TMEM87B: variants seen among roughly 807,000 people sequenced by gnomAD.
TMEM87B encodes the protein transmembrane protein 87B.
TMEM87B carries 83 observed loss-of-function variants against 80.3 expected under a neutral mutation model. The ratio of observed to expected loss-of-function variants is 1.03; its 90% CI spans 0.87 to 1.24. TMEM87B has a LOEUF of 1.24. Ranked by LOEUF, TMEM87B falls within the 50% of genes most tolerant of loss-of-function variation. The probability of loss-of-function intolerance (pLI) is 0.00; values close to 1 mark genes in which losing one functional copy is unlikely to be tolerated. For synonymous variants in TMEM87B, 219 were observed against 230.5 expected (o/e 0.95, Z 0.45); for missense variants, 625 against 674.4 (o/e 0.93, Z 0.81).
chr2:112,063,001 T>C (rs1299671585), intron 2 of TMEM87B, among the ~76,000 whole-genome samples: 15 of 152,244 alleles, frequency 9.9e-5, no homozygotes, highest in Admixed American at 3.3e-4. Flanking sequence ...CTTCCATCTC[T>C]TGGGTACTGT....
At chr2:112,098,811 A>G in intron 14 of TMEM87B, 113 bp downstream of exon 14, 1 of 957,252 alleles carries the variant, frequency 1.0e-6, no homozygotes, top group South Asian at 1.5e-5. Context: ...AGGAGTATAC[A>G]GTCAAGTAGG....
At chr2:112,107,899 C>T in intron 17 of TMEM87B, 59 bp downstream of exon 17, 1 of 1,182,492 alleles carries the variant, frequency 8.5e-7, no homozygotes, top group Non-Finnish European at 1.2e-6. Flanking sequence ...TAAAAGGGAT[C>T]GTTCTCATCC....
chr2:112,055,811 G>A (rs1414564194), intron 1 of TMEM87B, 55 bp downstream of exon 1: 12 of 1,444,508 alleles, frequency 8.3e-6, no homozygotes, highest in Non-Finnish European at 1.1e-5. Flanking sequence ...CAGGGCCGTC[G>A]TGCGGCTTCG....
At chr2:112,091,572 T>A in intron 10 of TMEM87B, 140 bp from the exon 11 acceptor site, 1 of 642,876 alleles carries the variant, frequency 1.6e-6, no homozygotes, top group Non-Finnish European at 2.7e-6. Context: ...TTAAACACAA[T>A]CCTCTTAGGA....
intron 2 of TMEM87B, among the ~76,000 whole-genome samples, chr2:112,063,224 G>A (rs865949692): frequency 9.2e-5 from 14 of 152,192 alleles, no homozygotes; most frequent in Admixed American, 5.2e-4. Context: ...CCCTTCTGAG[G>A]CTAAGTTATA....
In TMEM87B at chr2:112,098,786, T is replaced by C. The variant is rs1679547012; in HGVS notation, c.1376+88T>C. ...AACACGTTTATAGAAACCAGGAGAATAGTCGTTGCTTTTAAGGAGTATACA... is the reference window on the plus strand; with the variant it reads ...AACACGTTTATAGAAACCAGGAGAACAGTCGTTGCTTTTAAGGAGTATACA... On this transcript the variant is annotated intron_variant, in intron 14 of 18. Coordinates refer to ENST00000283206, the MANE Select transcript of TMEM87B (RefSeq NM_032824.3). 3.9e-6 allele frequency: 5 copies of C among 1,292,056 alleles called. No homozygotes were observed. The African/African-American group carries it at 5.9e-5, about 15-fold the overall frequency. 80.0% of individuals were successfully genotyped at this position (1,292,056 alleles called of 1,614,324 possible).
chr2:112,111,979 T>A (rs1317802577), intron 17 of TMEM87B, among the ~76,000 whole-genome samples: 1 of 152,170 alleles, frequency 6.6e-6, no homozygotes, highest in Non-Finnish European at 1.5e-5. Context: ...TGCCTTCTGG[T>A]TCACCTTTCC....
At chr2:112,082,065 C>T (rs1679014196) in intron 8 of TMEM87B, among the ~76,000 whole-genome samples, 1 of 152,112 alleles carries the variant, frequency 6.6e-6, no homozygotes, top group South Asian at 2.1e-4. Flanking sequence ...GCAGGCAGGC[C>T]ATACAGCTGG....
chr2:112,117,299 G>A lies in TMEM87B; in HGVS notation c.*1156G>A, dbSNP rs747074722. On this transcript the variant is annotated 3_prime_UTR_variant, in exon 19 of 19. Coordinates refer to ENST00000283206, the MANE Select transcript of TMEM87B (RefSeq NM_032824.3). ...ATTTAGAATAATAATTAAAGCTAGAGTCTTGTATGTCTTTTCTTTGAAGGA... is the reference window on the plus strand; with the variant it reads ...ATTTAGAATAATAATTAAAGCTAGAATCTTGTATGTCTTTTCTTTGAAGGA... The A allele has an allele frequency of 5.3e-5, 8 of 152,170 alleles. No individual in the cohort carries two copies. The highest frequency in any genetic ancestry group is 1.5e-5 in the Non-Finnish European group (1 of 68,026). 9.4% of individuals were successfully genotyped at this position (152,170 alleles called of 1,614,324 possible). A position where few individuals can be genotyped will look rare whatever the true frequency, so the allele number is the denominator to read the frequency against.
Position 112,081,427 on chromosome 2 carries a change from G to A in TMEM87B, c.747G>A (p.Gln249=). Residue 249 remains glutamine (Q), a synonymous_variant, in exon 8 of 19, where the codon CAG becomes CAA. Transcript: ENST00000283206. ...ACYWKDILRI[Q]FWIAAVIFLG... Reference sequence around the variant, plus strand: ...ATTGGAAAGATATATTAAGAATCCAGTTCTGGATTGCAGCTGTTATTTTTT... The same window carrying A: ...ATTGGAAAGATATATTAAGAATCCAATTCTGGATTGCAGCTGTTATTTTTT... 1 of 1,613,952 alleles carries A rather than the reference G, an allele frequency of 6.2e-7. No homozygotes were observed.
chr2:112,102,811 A>C (rs528847033), intron 15 of TMEM87B, among the ~76,000 whole-genome samples: 1 of 152,348 alleles, frequency 6.6e-6, no homozygotes, highest in Non-Finnish European at 1.5e-5. Flanking sequence ...ACTAATTCTA[A>C]AATGGTATGA....
chr2:112,089,489 C>T (rs1679238812), intron 9 of TMEM87B, 136 bp from the exon 10 acceptor site: 1 of 727,440 alleles, frequency 1.4e-6, no homozygotes, highest in Non-Finnish European at 2.3e-6. Context: ...AAACAAAGTA[C>T]CTCAGAGCCG....
chr2:112,096,426 G>C (rs1159617649), intron 11 of TMEM87B, among the ~76,000 whole-genome samples: 1 of 152,086 alleles, frequency 6.6e-6, no homozygotes, highest in Non-Finnish European at 1.5e-5. Context: ...TTTTCTGCCT[G>C]ACCTCTGAGA....
chr2:112,077,025 G>A (rs1447664167), intron 5 of TMEM87B, among the ~76,000 whole-genome samples, 167 bp from the exon 6 acceptor site: 1 of 117,222 alleles, frequency 8.5e-6, no homozygotes, highest in Non-Finnish European at 1.7e-5. Context: ...GCAACATGGT[G>A]AGACCCCCAT....
At chr2:112,089,747 T>A (rs1277756072) in intron 10 of TMEM87B, 29 bp downstream of exon 10, 1 of 1,595,572 alleles carries the variant, frequency 6.3e-7, no homozygotes, top group Non-Finnish European at 8.6e-7. Context: ...TACCACCCCT[T>A]TTTGTTATTG....
At chr2:112,097,443 T>C (rs767687641) in intron 13 of TMEM87B, 152 bp downstream of exon 13, 29 of 781,896 alleles carry the variant, frequency 3.7e-5, no homozygotes, top group Non-Finnish European at 5.2e-5. Flanking sequence ...ATAAAAACTT[T>C]TGGCTGGGCG....
intron 17 of TMEM87B, among the ~76,000 whole-genome samples, chr2:112,109,758 A>C (rs983412206): frequency 1.2e-5 from 1 of 82,764 alleles, no homozygotes; most frequent in Non-Finnish European, 2.2e-5. Context: ...GCCTTCAGCT[A>C]CTTTTTTTTT....
intron 18 of TMEM87B, among the ~76,000 whole-genome samples, chr2:112,115,463 A>G (rs925267709): frequency 6.6e-6 from 1 of 150,590 alleles, no homozygotes; most frequent in African/African-American, 2.5e-5. Flanking sequence ...AAGAGGTAGC[A>G]TTACAGAAAG....
chr2:112,113,042 C>G (rs754052825), intron 18 of TMEM87B, 113 bp downstream of exon 18: 1 of 949,112 alleles, frequency 1.1e-6, no homozygotes, highest in Non-Finnish European at 1.6e-6. Context: ...ATTGAACAGA[C>G]AGAAAGATGC....
Sources: allele counts gnomAD v4.1 joint callset (sites outside exome capture counted in the v4.1 genomes callset), GRCh38; gene constraint gnomAD v4.1.1; transcripts MANE v1.5; gene names NCBI Gene and HGNC (gene_info 2026-07-23, HGNC 2026-07-21).